The following TRIM10 variants were observed in gnomAD, a reference collection of about 807,000 sequenced individuals.
TRIM10 encodes tripartite motif-containing protein 10.
TRIM10 carries 42 observed loss-of-function variants against 40.0 expected under a neutral mutation model. The observed-to-expected ratio is 1.05, with a 90% CI of 0.82 to 1.36. The LOEUF is 1.36. Among genes scored for constraint, TRIM10 ranks in the 40% most tolerant of loss-of-function variants. The probability of loss-of-function intolerance (pLI) is 0.00; values close to 1 mark genes in which losing one functional copy is unlikely to be tolerated. For synonymous variants in TRIM10, 260 were observed against 239.5 expected (o/e 1.09, Z -0.79); for missense variants, 601 against 608.3 (o/e 0.99, Z 0.13).
intron 3 of TRIM10, 63 bp from the exon 4 acceptor site, chr6:30,157,454 C>A: frequency 2.1e-6 from 3 of 1,460,392 alleles, no homozygotes; most frequent in Non-Finnish European, 2.8e-6. Flanking sequence ...TCTTTCCTTT[C>A]TTTTTCTACT....
At chr6:30,159,110 T>C (rs919329614) in intron 2 of TRIM10, 40 bp downstream of exon 2, 1 of 1,391,290 alleles carries the variant, frequency 7.2e-7, no homozygotes, top group Non-Finnish European at 1.0e-6. Context: ...CACTGGACCC[T>C]GAGGAAGGGG....
Position 30,153,738 on chromosome 6 carries a change from A to T in TRIM10, c.*231T>A. ...ACGGATGGTGGTGAGCAGAACTGGC[A>T]GCAGCCTGAGTCCCCAGGTACCCTG... On this transcript the variant is annotated 3_prime_UTR_variant, in exon 7 of 7. Transcript: ENST00000449742. 1 of 1,613,088 alleles carries T rather than the reference A, an allele frequency of 6.2e-7. No homozygotes were observed. The highest frequency in any genetic ancestry group is 1.1e-5 in the South Asian group (1 of 91,080).
chr6:30,154,330 C>T lies in TRIM10; in HGVS notation c.1085G>A (p.Gly362Glu), dbSNP rs142890374. The change falls in exon 7 of 7, where the codon GGG becomes GAG. Residue 362 changes from glycine (G) to glutamate (E), a missense_variant. By Grantham distance (98) the Gly-to-Glu change is moderately conservative (BLOSUM62 -2). Transcript: ENST00000449742. ...TCVLAHTGIT[G>E]GRHTWVVSID... ...ACTCACCACCCACGTGTGTCTCCCCCCTGTGATGCCAGTGTGGGCCAGAAC... is the reference window on the plus strand; with the variant it reads ...ACTCACCACCCACGTGTGTCTCCCCTCTGTGATGCCAGTGTGGGCCAGAAC... 2.5e-5 allele frequency: 41 copies of T among 1,613,006 alleles called. No homozygotes were observed. Among genetic ancestry groups the T allele is most frequent in the East Asian group, 4.5e-5 (2 of 44,886 alleles).
Position 30,153,740 on chromosome 6 carries a change from C to G in TRIM10, c.*229G>C, listed in dbSNP as rs753742225. 6.2e-7 allele frequency: 1 copy of G among 1,613,072 alleles called. No homozygotes were observed. The highest frequency in any genetic ancestry group is 8.5e-7 in the Non-Finnish European group (1 of 1,180,030). On this transcript the variant is annotated 3_prime_UTR_variant, in exon 7 of 7. Coordinates refer to ENST00000449742, the MANE Select transcript of TRIM10 (RefSeq NM_006778.4). ...GGATGGTGGTGAGCAGAACTGGCAG[C>G]AGCCTGAGTCCCCAGGTACCCTGGC... is the stretch of plus-strand genomic sequence containing the variant.
chr6:30,153,380 C>A lies in TRIM10; in HGVS notation c.*589G>T. 1 of 327,704 alleles carries A rather than the reference C, an allele frequency of 3.1e-6. No individual in the cohort carries two copies. The highest frequency in any genetic ancestry group is 5.6e-6 in the Non-Finnish European group (1 of 177,818). 20.3% of individuals were successfully genotyped at this position (327,704 alleles called of 1,614,324 possible). On this transcript the variant is annotated 3_prime_UTR_variant, in exon 7 of 7. Coordinates refer to ENST00000449742, the MANE Select transcript of TRIM10 (RefSeq NM_006778.4). ...GAACTCCCATAATGCTGGGGTTGGACTTCCCGTAACACCCACCACACTGTG... is the reference window on the plus strand; with the variant it reads ...GAACTCCCATAATGCTGGGGTTGGAATTCCCGTAACACCCACCACACTGTG...
At position 30,160,526 on chromosome 6, in the gene TRIM10, C is replaced by T. The variant is rs535475429; in HGVS notation, c.333G>A (p.Glu111=). 37 of 1,614,234 alleles carry T rather than the reference C, an allele frequency of 2.3e-5. No individual in the cohort carries two copies. In the Admixed American group the frequency reaches 3.2e-4, roughly 14 times the overall value. ...CCACGCACAACTGCATCTCATCATC[C>T]TCACAGAAGAAGTAGATCTTCTCTC... ...EHGEKIYFFC[E]DDEMQLCVVC... Residue 111 remains glutamate (E), a synonymous_variant, in exon 1 of 7, where the codon GAG becomes GAA. Coordinates refer to ENST00000449742, the MANE Select transcript of TRIM10 (RefSeq NM_006778.4).
Position 30,160,700 on chromosome 6 carries a change from C to A in TRIM10, c.159G>T (p.Glu53Asp), listed in dbSNP as rs748846940. 2 of 1,614,218 alleles carry A rather than the reference C, an allele frequency of 1.2e-6. No individual in the cohort carries two copies. Among genetic ancestry groups the A allele is most frequent in the South Asian group, 2.2e-5 (2 of 91,084 alleles). The stretch of plus-strand genomic sequence containing the variant: ...CTTTGCAGAGTGGGCAAGTAGGGGA[C>A]TCCTCCAGGTCTGGGCCTGGTATCT... ...YCEIPGPDLE[E>D]SPTCPLCKEP... Residue 53 changes from glutamate to aspartate, a missense_variant, in exon 1 of 7, where the codon GAG becomes GAT. Coordinates refer to ENST00000449742, the MANE Select transcript of TRIM10 (RefSeq NM_006778.4).
intron 1 of TRIM10, among the ~76,000 whole-genome samples, chr6:30,159,927 A>C (rs1772915305): frequency 6.6e-6 from 1 of 152,216 alleles, no homozygotes; most frequent in Non-Finnish European, 1.5e-5. Context: ...CATTCATTTA[A>C]TGACAGATAA....
At chr6:30,156,899 A>G (rs1377989391) in intron 5 of TRIM10, 40 bp downstream of exon 5, 2 of 1,582,806 alleles carry the variant, frequency 1.3e-6, no homozygotes. Flanking sequence ...CCCAGGCTTC[A>G]TGGCCACCTG....
Position 30,153,921 on chromosome 6 carries a change from G to A in TRIM10, c.*48C>T. On this transcript the variant is annotated 3_prime_UTR_variant, in exon 7 of 7. Transcript: ENST00000449742. The stretch of plus-strand genomic sequence containing the variant: ...AGGGATCAAGTCCACATGGTACTTG[G>A]GTTGATATGAGTCCTGTACTTAGAG... 6.3e-7 allele frequency: 1 copy of A among 1,578,988 alleles called. No individual in the cohort carries two copies. The highest frequency in any genetic ancestry group is 1.2e-5 in the South Asian group (1 of 85,614).
intron 4 of TRIM10, 74 bp from the exon 5 acceptor site, chr6:30,157,128 C>A: frequency 7.0e-7 from 1 of 1,437,606 alleles, no homozygotes; most frequent in South Asian, 1.2e-5. Flanking sequence ...TGGTCATCTT[C>A]TAATAGGGCA....
At position 30,158,474 on chromosome 6, in the gene TRIM10, C is replaced by T. The variant is rs942048269; in HGVS notation, c.681G>A (p.Gly227=). ...TAAGAGCACTAAACCGGCAGATCTC[C>T]CCAGCAACCAGCAAATCAAATTCAT... is the stretch of plus-strand genomic sequence containing the variant. ...QRDEFDLLVA[G]EICRFSALIE... Residue 227 remains glycine, a synonymous_variant, in exon 3 of 7, where the codon GGG becomes GGA. Transcript: ENST00000449742. 2 of 1,612,998 alleles carry T rather than the reference C, an allele frequency of 1.2e-6. No individual in the cohort carries two copies. The highest frequency in any genetic ancestry group is 1.7e-6 in the Non-Finnish European group (2 of 1,180,036).
chr6:30,163,422 A>G, upstream of TRIM10: 1 of 556,404 alleles, frequency 1.8e-6, no homozygotes, highest in South Asian at 2.6e-5. Flanking sequence ...CGCCACTGGG[A>G]AATTCTGGGT....
chr6:30,154,339 C>T lies in TRIM10; in HGVS notation c.1076G>A (p.Gly359Asp), dbSNP rs746897598. Reference sequence around the variant, plus strand: ...CCACGTGTGTCTCCCCCCTGTGATGCCAGTGTGGGCCAGAACACAGGTGGC... The same window carrying T: ...CCACGTGTGTCTCCCCCCTGTGATGTCAGTGTGGGCCAGAACACAGGTGGC... ...DRATCVLAHT[G>D]ITGGRHTWVV... Residue 359 changes from glycine (G) to aspartate (D), a missense_variant, in exon 7 of 7, where the codon GGC becomes GAC. Coordinates refer to ENST00000449742, the MANE Select transcript of TRIM10 (RefSeq NM_006778.4). 1.9e-6 allele frequency: 3 copies of T among 1,613,072 alleles called. No homozygotes were observed. The South Asian group carries it at 3.3e-5, about 18-fold the overall frequency.
In TRIM10 at chr6:30,155,773, A is replaced by G; in HGVS notation, c.896-14T>C. 6.2e-7 allele frequency: 1 copy of G among 1,612,276 alleles called. No individual in the cohort carries two copies. Among genetic ancestry groups the G allele is most frequent in the Non-Finnish European group, 8.5e-7 (1 of 1,179,514 alleles). On this transcript the variant is annotated splice_polypyrimidine_tract_variant and intron_variant, in intron 5 of 6. Transcript: ENST00000449742. ...AGCATAGTTTTTCTGTAAAGAAAAT[A>G]AACCAGGATGAGATTTTATTAGTCT...
intron 1 of TRIM10, among the ~76,000 whole-genome samples, chr6:30,160,228 G>T (rs1772944264): frequency 6.6e-6 from 1 of 152,140 alleles, no homozygotes; most frequent in African/African-American, 2.4e-5. Flanking sequence ...CCCGTTATCT[G>T]TTGGCCACAA....
chr6:30,154,454 G>A lies in TRIM10; in HGVS notation c.961C>T (p.Pro321Ser), dbSNP rs761576054. 4 of 1,612,434 alleles carry A rather than the reference G, an allele frequency of 2.5e-6. No individual in the cohort carries two copies. The highest frequency in any genetic ancestry group is 3.4e-6 in the Non-Finnish European group (4 of 1,180,018). The part of the protein sequence containing the change: ...HISLDPQTSH[P>S]KLLLSEDHQR... The stretch of plus-strand genomic sequence containing the variant: ...TGGTCCTCGGACAAGAGGAGCTTGG[G>A]GTGGGAAGTCTGAGGGTCTAGAGAA... Residue 321 changes from proline to serine, a missense_variant, in exon 7 of 7, where the codon CCC becomes TCC. Transcript: ENST00000449742.
rs992700998 is a variant in TRIM10 at position 30,153,717 on chromosome 6, A to T, written c.*252T>A. 3 of 1,612,974 alleles carry T rather than the reference A, an allele frequency of 1.9e-6. No individual in the cohort carries two copies. The highest frequency in any genetic ancestry group is 1.7e-6 in the Non-Finnish European group (2 of 1,180,012). ...GCAGCTACTTCTGTGCCAAGCACGG[A>T]TGGTGGTGAGCAGAACTGGCAGCAG... On this transcript the variant is annotated 3_prime_UTR_variant, in exon 7 of 7. Coordinates refer to ENST00000449742, the MANE Select transcript of TRIM10 (RefSeq NM_006778.4).
chr6:30,154,522 A>G, intron 6 of TRIM10, 36 bp from the exon 7 acceptor site: 1 of 1,598,552 alleles, frequency 6.3e-7, no homozygotes, highest in Non-Finnish European at 8.5e-7. Context: ...ATGTCAGCAG[A>G]CATGCTATTA....
Sources: allele counts gnomAD v4.1 joint callset (sites outside exome capture counted in the v4.1 genomes callset), GRCh38; gene constraint gnomAD v4.1.1; transcripts MANE v1.5; gene names NCBI Gene and HGNC (gene_info 2026-07-23, HGNC 2026-07-21).